The following MID1 variants were observed in gnomAD, a reference collection of about 807,000 sequenced individuals.
The protein encoded by MID1 is midline 1, also known as E3 ubiquitin-protein ligase Midline-1.
A neutral mutation model predicts 40.4 loss-of-function variants in MID1; 7 were observed. That is an observed-to-expected ratio of 0.17 (90% CI 0.10 to 0.33). The LOEUF is 0.33. Ranked by LOEUF, MID1 falls within the 10% of genes least tolerant of loss-of-function variation. The pLI is 1.00. For synonymous variants in MID1, 229 were observed against 221.2 expected (o/e 1.04, Z -0.31); for missense variants, 367 against 558.5 (o/e 0.66, Z 3.46).
chrX:10,671,899 G>C lies in MID1; in HGVS notation c.-186-51480C>G, dbSNP rs954569850. 4.5e-5 allele frequency among the ~76,000 whole-genome samples: 5 copies of C among 111,006 alleles called. No individual in the cohort carries two copies. The East Asian group carries it at 1.4e-3, about 31-fold the overall frequency. The stretch of plus-strand genomic sequence containing the variant: ...TTCCATGGCTCCCTACTGCCTACAA[G>C]ATCATGGAATAAATACATATCAAGT... On this transcript the variant is annotated intron_variant, in intron 1 of 10. Transcript: ENST00000380785.
At chrX:10,577,380 T>C (rs1238319362) in intron 1 of MID1, among the ~76,000 whole-genome samples, 1 of 111,752 alleles carries the variant, frequency 8.9e-6, no homozygotes, top group Non-Finnish European at 1.9e-5. Context: ...GGCTTGTTCA[T>C]TTAAAAAAAT....
intron 7 of MID1, among the ~76,000 whole-genome samples, chrX:10,461,129 AT>A (rs2147268471): frequency 9.7e-6 from 1 of 102,753 alleles, no homozygotes; most frequent in East Asian, 3.0e-4. Flanking sequence ...ATCTAAAGAT[AT>A]CTAAAGATAC....
intron 1 of MID1, among the ~76,000 whole-genome samples, chrX:10,672,360 A>G (rs1382205832): frequency 1.8e-5 from 2 of 111,985 alleles, no homozygotes; most frequent in African/African-American, 3.2e-5. Context: ...GTGGCTAAGG[A>G]TGTTTAACCA....
chrX:10,771,530 C>T (rs1391718885), intron 1 of MID1, among the ~76,000 whole-genome samples: 1 of 106,989 alleles, frequency 9.3e-6, no homozygotes, highest in Non-Finnish European at 1.9e-5. Flanking sequence ...TCATTCTTGT[C>T]GCCCAGGCTG....
intron 2 of MID1, among the ~76,000 whole-genome samples, chrX:10,538,264 T>G (rs187970279): frequency 8.9e-6 from 1 of 111,810 alleles, no homozygotes; most frequent in Non-Finnish European, 1.9e-5. Flanking sequence ...TGAGCCACCA[T>G]GCCCGGCCTC....
intron 2 of MID1, among the ~76,000 whole-genome samples, chrX:10,525,711 G>A (rs144575459): frequency 8.9e-6 from 1 of 112,508 alleles, no homozygotes; most frequent in African/African-American, 3.2e-5. Context: ...ACAGATCCTA[G>A]TTTGACTCAG....
chrX:10,501,359 C>T, intron 3 of MID1: 1 of 1,063,218 alleles, frequency 9.4e-7, no homozygotes, highest in Non-Finnish European at 1.3e-6. Context: ...AACTCAGTCA[C>T]TTTCACCTCA....
chrX:10,470,493 A>ATTGT (rs373263488), intron 6 of MID1, among the ~76,000 whole-genome samples: 3 of 112,112 alleles, frequency 2.7e-5, no homozygotes, highest in Non-Finnish European at 5.6e-5. Flanking sequence ...CAGCCACATA[A>ATTGT]TTGTTTGAAT....
intron 1 of MID1, among the ~76,000 whole-genome samples, chrX:10,772,193 C>A (rs1282197600): frequency 9.1e-6 from 1 of 110,370 alleles, no homozygotes; most frequent in Non-Finnish European, 1.9e-5. Context: ...GTATATATAT[C>A]TATTTCATCA....
At chrX:10,701,642 A>G (rs1462541607) in intron 1 of MID1, among the ~76,000 whole-genome samples, 1 of 112,335 alleles carries the variant, frequency 8.9e-6, no homozygotes, top group Non-Finnish European at 1.9e-5. Context: ...TGTGCCCAAT[A>G]CCAAGGTGAT....
intron 1 of MID1, among the ~76,000 whole-genome samples, chrX:10,715,073 A>C (rs1467582983): frequency 8.9e-6 from 1 of 112,295 alleles, no homozygotes. Context: ...GGTGGAGCCA[A>C]GATGGCCAAA....
Position 10,567,522 on chromosome X carries a change from G to A in MID1, c.26C>T (p.Thr9Ile), listed in dbSNP as rs1247267423. 1.7e-6 allele frequency: 2 copies of A among 1,209,811 alleles called. No homozygotes were observed. Among genetic ancestry groups the A allele is most frequent in the African/African-American group, 3.5e-5 (2 of 57,077 alleles). The change falls in exon 2 of 10, where the codon ACC (threonine) becomes ATC (isoleucine). Residue 9 changes from threonine (T) to isoleucine (I), a missense_variant. Thr to Ile is a moderately conservative substitution (Grantham distance 89, BLOSUM62 -1). Transcript: ENST00000317552. ...AAAGAGCTCCAGACAAATAGGGCAG[G>A]TCAGTTCTGACTCCAGTGTTTCCAT... METLESEL[T>I]CPICLELFED...
At chrX:10,708,666 CA>C (rs202154766) in intron 1 of MID1, among the ~76,000 whole-genome samples, 1,132 of 111,469 alleles carry the variant, frequency 0.01, 22 homozygotes, top group African/African-American at 0.035. Context: ...TGGACTCTTC[CA>C]AAGCAACCTC....
chrX:10,555,436 CATTG>C (rs1222004938), intron 2 of MID1, among the ~76,000 whole-genome samples: 1 of 111,301 alleles, frequency 9.0e-6, no homozygotes, highest in Non-Finnish European at 1.9e-5. Context: ...AAAATTATCT[CATTG>C]ATTGAGCTCC....
chrX:10,664,152 CTGTT>C (rs200391522), intron 1 of MID1, among the ~76,000 whole-genome samples: 65 of 101,721 alleles, frequency 6.4e-4, no homozygotes, highest in African/African-American at 2.6e-3. Flanking sequence ...GTGTGTGTAT[CTGTT>C]TGTTTCTTTG....
At chrX:10,500,874 C>T (rs1029973925) in intron 3 of MID1, among the ~76,000 whole-genome samples, 17 of 111,936 alleles carry the variant, frequency 1.5e-4, no homozygotes, top group Admixed American at 4.7e-4. Flanking sequence ...CCATCAGTCT[C>T]CTCCTTGGCC....
At chrX:10,537,802 C>T (rs929838402) in intron 2 of MID1, among the ~76,000 whole-genome samples, 1 of 111,846 alleles carries the variant, frequency 8.9e-6, no homozygotes, top group African/African-American at 3.3e-5. Flanking sequence ...TCTGTCCTGA[C>T]ACGATTCAGA....
chrX:10,833,638 G>T (rs748517341), exon 1 of MID1: 1 of 112,483 alleles, frequency 8.9e-6, no homozygotes, highest in South Asian at 3.7e-4. Flanking sequence ...CTTCAAGCAG[G>T]CTGGGCTGGG....
intron 5 of MID1, among the ~76,000 whole-genome samples, chrX:10,478,962 A>G (rs199947883): frequency 8.9e-6 from 1 of 111,765 alleles, no homozygotes; most frequent in East Asian, 2.8e-4. Flanking sequence ...CATGTCCTAG[A>G]GAAGAATGTT....
Sources: gnomAD v4.1 joint callset for allele counts (sites outside exome capture counted in the v4.1 genomes callset) on GRCh38, gnomAD v4.1.1 for gene constraint, MANE v1.5 for transcripts, NCBI Gene and HGNC (gene_info 2026-07-23, HGNC 2026-07-21) for gene names.